Variants in ATR observed in about 807,000 individuals in gnomAD.
The protein encoded by ATR is serine/threonine-protein kinase ATR.
ATR carries 142 observed loss-of-function variants against 305.3 expected under a neutral mutation model. That is an observed-to-expected ratio of 0.47 (90% CI 0.41 to 0.53). The LOEUF (loss-of-function observed/expected upper bound fraction) is 0.53. ATR is among the 20% of genes least tolerant of loss of function. The pLI, the probability that ATR is intolerant of heterozygous loss-of-function variation, is 0.00. For missense variants in ATR, 2,135 were observed against 3,133.1 expected (o/e 0.68, Z 7.60); for synonymous variants, 1,050 against 1,068.1 (o/e 0.98, Z 0.33).
chr3:142,572,863 G>A (rs1179714605), intron 1 of ATR, among the ~76,000 whole-genome samples: 1 of 152,058 alleles, frequency 6.6e-6, no homozygotes, highest in Non-Finnish European at 1.5e-5. Context: ...TGAATGAATG[G>A]TTCATAAGAA....
chr3:142,563,011 A>G lies in ATR; in HGVS notation c.391T>C (p.Leu131=). The change falls in exon 4 of 47, where the codon TTA becomes CTA. Residue 131 remains leucine, a synonymous_variant. Transcript: ENST00000350721. ...KKICEVICSL[L]FLFKSKSPAI... ...GGACTCTTGCTTTTAAAAAGAAATA[A>G]TAATGAACAGATGACTTCACAGATT... 1 of 1,600,450 alleles carries G rather than the reference A, an allele frequency of 6.2e-7. No individual in the cohort carries two copies. Among genetic ancestry groups the G allele is most frequent in the Non-Finnish European group, 8.5e-7 (1 of 1,176,086 alleles).
intron 36 of ATR, among the ~76,000 whole-genome samples, chr3:142,476,191 T>A (rs2071441244): frequency 2.0e-5 from 3 of 152,206 alleles, no homozygotes; most frequent in African/African-American, 7.2e-5. Context: ...CCAAATGGTA[T>A]TGCCTAGGTT....
intron 41 of ATR, 120 bp from the exon 42 acceptor site, chr3:142,462,210 A>G (rs1344943846): frequency 6.2e-6 from 6 of 969,820 alleles, no homozygotes; most frequent in Non-Finnish European, 9.3e-6. Context: ...AAGGCTTACT[A>G]TGTGGTATAC....
At chr3:142,476,742 C>T (rs1577529502) in intron 36 of ATR, among the ~76,000 whole-genome samples, 2 of 152,254 alleles carry the variant, frequency 1.3e-5, no homozygotes, top group South Asian at 4.1e-4. Context: ...AATGTTCTTC[C>T]ATTTGTTTGT....
At chr3:142,514,126 T>A (rs1370574753) in intron 25 of ATR, among the ~76,000 whole-genome samples, 1 of 149,684 alleles carries the variant, frequency 6.7e-6, no homozygotes, top group Non-Finnish European at 1.5e-5. Flanking sequence ...ACACAAAAAT[T>A]AGCTGGTATG....
At chr3:142,519,300 T>C (rs1254669254) in intron 24 of ATR, among the ~76,000 whole-genome samples, 3 of 151,534 alleles carry the variant, frequency 2.0e-5, no homozygotes, top group African/African-American at 7.3e-5. Context: ...AAAAATCACA[T>C]TAATTTTTTT....
rs868817417 is a variant in ATR at position 142,524,042 on chromosome 3, C to T, written c.4103G>A (p.Arg1368Gln). The change falls in exon 22 of 47, where the codon CGA (arginine) becomes CAA (glutamine). Residue 1368 changes from arginine to glutamine, a missense_variant. Transcript: ENST00000350721. ...AGTTTCAGTTGTTGAGAAATCTAAT[C>T]GACCTGGATCTATCGCCCCCAATTC... ...LGELGAIDPG[R>Q]LDFSTTETQG... The T allele has an allele frequency of 3.1e-6, 5 of 1,614,036 alleles. No homozygotes were observed. Among genetic ancestry groups the T allele is most frequent in the Non-Finnish European group, 3.4e-6 (4 of 1,179,994 alleles).
intron 28 of ATR, among the ~76,000 whole-genome samples, chr3:142,506,530 T>C (rs1259122110): frequency 6.6e-6 from 1 of 151,826 alleles, no homozygotes; most frequent in East Asian, 1.9e-4. Context: ...CTACAAAAAA[T>C]ACAAAAAATT....
intron 3 of ATR, among the ~76,000 whole-genome samples, chr3:142,565,019 TTACAGGCGTGAGACATCG>T (rs2035018663): frequency 6.6e-6 from 1 of 152,162 alleles, no homozygotes; most frequent in South Asian, 2.1e-4. Flanking sequence ...AGTGCTGGGA[TTACAGGCGTGAGACATCG>T]TGCCCAGCCT....
Position 142,504,183 on chromosome 3 carries a change from C to T in ATR, c.5197-730G>A, listed in dbSNP as rs1175086541. ...TAAACCCCTTTCCCATTCCAATAGA[C>T]ACACAGCTTATTCCCATTACTAACT... On this transcript the variant is annotated intron_variant, in intron 29 of 46. Transcript: ENST00000350721. 3.9e-5 allele frequency among the ~76,000 whole-genome samples: 6 copies of T among 152,264 alleles called. No individual in the cohort carries two copies. In the East Asian group the frequency reaches 1.2e-3, roughly 29 times the overall value.
chr3:142,469,682 C>A, intron 37 of ATR, 113 bp from the exon 38 acceptor site: 1 of 889,428 alleles, frequency 1.1e-6, no homozygotes. Context: ...GTATGTTATT[C>A]CCATGCCCAA....
At chr3:142,478,370 G>A (rs907195474) in intron 36 of ATR, among the ~76,000 whole-genome samples, 20 of 152,176 alleles carry the variant, frequency 1.3e-4, no homozygotes, top group African/African-American at 4.3e-4. Flanking sequence ...TCAGGAGCAG[G>A]TTGTTCAGTT....
At chr3:142,574,726 C>T (rs1363700644) in intron 1 of ATR, among the ~76,000 whole-genome samples, 1 of 152,190 alleles carries the variant, frequency 6.6e-6, no homozygotes, top group East Asian at 1.9e-4. Flanking sequence ...TGGTTAAGAA[C>T]TGACAGGCCC....
rs13322577 is a variant in ATR, at chr3:142,471,586, T to C, written c.6222-1403A>G. Among the ~76,000 whole-genome samples the C allele has an allele frequency of 7.9e-3, 1,201 of 152,302 alleles. 11 individuals are homozygous for C. Among genetic ancestry groups the C allele is most frequent in the Non-Finnish European group, 0.011 (728 of 68,008 alleles). ...CAGGTTTTTTTAAAGGTGCACAACA[T>C]AATGTTTTTGTTTTTAAACATTTCA... On this transcript the variant is annotated intron_variant, in intron 36 of 46. Coordinates refer to ENST00000350721, the MANE Select transcript of ATR (RefSeq NM_001184.4).
intron 32 of ATR, among the ~76,000 whole-genome samples, 191 bp downstream of exon 32, chr3:142,498,406 C>T (rs2031764801): frequency 6.6e-6 from 1 of 152,066 alleles, no homozygotes; most frequent in Non-Finnish European, 1.5e-5. Context: ...CTCATAGTTG[C>T]CTTTCCTTAA....
At chr3:142,516,677 A>G (rs1006146323) in intron 24 of ATR, among the ~76,000 whole-genome samples, 7 of 152,064 alleles carry the variant, frequency 4.6e-5, no homozygotes, top group African/African-American at 1.7e-4. Context: ...CCATTATTTT[A>G]TCTTTCCCTA....
At chr3:142,564,644 C>T (rs1239210211) in intron 3 of ATR, among the ~76,000 whole-genome samples, 3 of 152,114 alleles carry the variant, frequency 2.0e-5, no homozygotes, top group Non-Finnish European at 4.4e-5. Context: ...AAAGAAATAA[C>T]ATTTTATATC....
At chr3:142,511,401 A>C (rs1044239212) in intron 27 of ATR, among the ~76,000 whole-genome samples, 1 of 152,198 alleles carries the variant, frequency 6.6e-6, no homozygotes, top group African/African-American at 2.4e-5. Flanking sequence ...CACACCTGTA[A>C]TCCCAGCACT....
rs757801214 is a variant in ATR, at chr3:142,450,512, C to G, written c.7762-910G>C. The G allele has an allele frequency of 2.5e-6, 4 of 1,604,768 alleles. No individual in the cohort carries two copies. In the South Asian group the frequency reaches 4.4e-5, roughly 18 times the overall value. On this transcript the variant is annotated intron_variant, in intron 46 of 46. Coordinates refer to ENST00000350721, the MANE Select transcript of ATR (RefSeq NM_001184.4). The stretch of plus-strand genomic sequence containing the variant: ...AGAGTTCATCAGGATCCTTGTGAGG[C>G]TATTTCTCATATCCAGAAAATCAGA...
Sources: gnomAD v4.1 joint callset for allele counts (sites outside exome capture counted in the v4.1 genomes callset) on GRCh38, gnomAD v4.1.1 for gene constraint, MANE v1.5 for transcripts, NCBI Gene and HGNC (gene_info 2026-07-23, HGNC 2026-07-21) for gene names.